The following SH3GL2 variants were observed in gnomAD, a reference collection of about 807,000 sequenced individuals.
The protein encoded by SH3GL2 is endophilin-A1.
A neutral mutation model predicts 46.0 loss-of-function variants in SH3GL2; 24 were observed. The ratio of observed to expected loss-of-function variants is 0.52; its 90% CI spans 0.38 to 0.73. The LOEUF is 0.73. SH3GL2 is among the 30% of genes least tolerant of loss of function. SH3GL2 has a pLI of 0.00. For missense variants in SH3GL2, 413 were observed against 424.2 expected (o/e 0.97, Z 0.23); for synonymous variants, 196 against 147.1 (o/e 1.33, Z -2.40).
At chr9:17,657,400 C>T (rs900663387) in intron 1 of SH3GL2, among the ~76,000 whole-genome samples, 3 of 152,186 alleles carry the variant, frequency 2.0e-5, no homozygotes, top group African/African-American at 4.8e-5. Flanking sequence ...CTTCCCTCAA[C>T]ACCATGTAGA....
At chr9:17,770,080 T>A (rs1823428417) in intron 3 of SH3GL2, among the ~76,000 whole-genome samples, 1 of 152,232 alleles carries the variant, frequency 6.6e-6, no homozygotes, top group South Asian at 2.1e-4. Context: ...AGTGTCGTGG[T>A]CTGCAGACTT....
At chr9:17,777,975 C>A (rs10963267) in intron 3 of SH3GL2, among the ~76,000 whole-genome samples, 23,286 of 151,674 alleles carry the variant, frequency 0.15, 2,274 homozygotes, top group Middle Eastern at 0.26. Flanking sequence ...TATTTATAGC[C>A]GAACCCACCA....
At chr9:17,699,922 A>G (rs1033936933) in intron 1 of SH3GL2, among the ~76,000 whole-genome samples, 2 of 152,180 alleles carry the variant, frequency 1.3e-5, no homozygotes, top group Non-Finnish European at 2.9e-5. Flanking sequence ...ATGTTGCTGT[A>G]TCAAAAGGTT....
intron 1 of SH3GL2, among the ~76,000 whole-genome samples, chr9:17,636,428 C>T (rs192010637): frequency 2.3e-4 from 35 of 152,210 alleles, no homozygotes; most frequent in African/African-American, 6.3e-4. Context: ...TGTTTGTGTA[C>T]GGAAACCTTA....
At chr9:17,746,460 G>A (rs1018313982) in intron 1 of SH3GL2, among the ~76,000 whole-genome samples, 3 of 152,176 alleles carry the variant, frequency 2.0e-5, no homozygotes, top group Non-Finnish European at 4.4e-5. Flanking sequence ...TATCATAATG[G>A]AAAATGATCA....
At chr9:17,731,430 A>T (rs543563884) in intron 1 of SH3GL2, among the ~76,000 whole-genome samples, 2 of 151,660 alleles carry the variant, frequency 1.3e-5, no homozygotes, top group South Asian at 2.1e-4. Flanking sequence ...GAAGAGAGAG[A>T]GAGAGAAAGA....
At chr9:17,663,851 T>G (rs913795104) in intron 1 of SH3GL2, among the ~76,000 whole-genome samples, 2 of 152,156 alleles carry the variant, frequency 1.3e-5, no homozygotes, top group Non-Finnish European at 2.9e-5. Flanking sequence ...TTGAAAAATA[T>G]CTATTGGAAT....
chr9:17,588,178 C>T (rs1818415338), intron 1 of SH3GL2, among the ~76,000 whole-genome samples: 1 of 152,108 alleles, frequency 6.6e-6, no homozygotes, highest in African/African-American at 2.4e-5. Context: ...CCATCTGTAA[C>T]ATATGGTTTT....
At chr9:17,683,377 C>A (rs370010601) in intron 1 of SH3GL2, among the ~76,000 whole-genome samples, 1 of 152,016 alleles carries the variant, frequency 6.6e-6, no homozygotes, top group African/African-American at 2.4e-5. Flanking sequence ...CTTCTCTAAC[C>A]CTGTTTCTCT....
At chr9:17,579,527 C>T (rs1161614518) in intron 1 of SH3GL2, among the ~76,000 whole-genome samples, 1 of 152,076 alleles carries the variant, frequency 6.6e-6, no homozygotes, top group Non-Finnish European at 1.5e-5. Flanking sequence ...CGGCGTCCTG[C>T]CTGGTAGCGC....
At chr9:17,579,727 T>C (rs189055344) in intron 1 of SH3GL2, among the ~76,000 whole-genome samples, 2,151 of 152,246 alleles carry the variant, frequency 0.014, 27 homozygotes, top group South Asian at 0.025. Context: ...GTGGCCGCAC[T>C]GGGGGTGGCG....
At chr9:17,761,739 A>G (rs1823182049) in intron 3 of SH3GL2, among the ~76,000 whole-genome samples, 1 of 152,218 alleles carries the variant, frequency 6.6e-6, no homozygotes, top group African/African-American at 2.4e-5. Context: ...ACTGTGGTAT[A>G]TTTAACAAAT....
chr9:17,649,441 T>G (rs1229830341), intron 1 of SH3GL2, among the ~76,000 whole-genome samples: 1 of 152,212 alleles, frequency 6.6e-6, no homozygotes, highest in African/African-American at 2.4e-5. Flanking sequence ...TTACAAATAC[T>G]ACATTCTGAT....
At chr9:17,634,959 A>T (rs1037861896) in intron 1 of SH3GL2, among the ~76,000 whole-genome samples, 1 of 152,168 alleles carries the variant, frequency 6.6e-6, no homozygotes, top group Admixed American at 6.5e-5. Flanking sequence ...GCAAGTAGTT[A>T]TTTGAGCATT....
At chr9:17,716,505 C>A (rs1483498524) in intron 1 of SH3GL2, among the ~76,000 whole-genome samples, 1 of 152,142 alleles carries the variant, frequency 6.6e-6, no homozygotes, top group African/African-American at 2.4e-5. Flanking sequence ...ATAAGGTTTT[C>A]CAGTATGTGC....
Position 17,579,137 on chromosome 9 carries a change from G to T in SH3GL2, c.-106G>T, listed in dbSNP as rs913323662. ...CCCTCGCGCCCATAGCCCCGGCGGC[G>T]GCACGACCAGAGGCGGCCAGGGGAG... is the stretch of plus-strand genomic sequence containing the variant. On this transcript the variant is annotated 5_prime_UTR_variant, in exon 1 of 9. Coordinates refer to ENST00000380607, the MANE Select transcript of SH3GL2 (RefSeq NM_003026.5). The T allele has an allele frequency of 1.5e-5, 11 of 711,362 alleles. No homozygotes were observed. The highest frequency in any genetic ancestry group is 2.4e-5 in the South Asian group (1 of 41,708). The allele number at this position is 711,362 out of a possible 1,614,324, so 44.1% of individuals were successfully genotyped here. A position where few individuals can be genotyped will look rare whatever the true frequency, so the allele number is the denominator to read the frequency against.
At chr9:17,616,882 A>G (rs3808753) in intron 1 of SH3GL2, among the ~76,000 whole-genome samples, 8,748 of 152,214 alleles carry the variant, frequency 0.057, 402 homozygotes, top group African/African-American at 0.13. Context: ...TCAGCGTAGT[A>G]TAAAAGGTTA....
At chr9:17,768,499 A>G (rs994296907) in intron 3 of SH3GL2, among the ~76,000 whole-genome samples, 3 of 152,156 alleles carry the variant, frequency 2.0e-5, no homozygotes, top group African/African-American at 4.8e-5. Flanking sequence ...CCTAAATACT[A>G]TAAATAAATA....
intron 3 of SH3GL2, among the ~76,000 whole-genome samples, chr9:17,777,083 T>C (rs1396413755): frequency 6.6e-6 from 1 of 152,298 alleles, no homozygotes; most frequent in East Asian, 1.9e-4. Context: ...TCCTCTTCTT[T>C]ATTTCGGAAA....
Sources: gnomAD v4.1 joint callset for allele counts (sites outside exome capture counted in the v4.1 genomes callset) on GRCh38, gnomAD v4.1.1 for gene constraint, MANE v1.5 for transcripts, NCBI Gene and HGNC (gene_info 2026-07-23, HGNC 2026-07-21) for gene names.